MAP1S: variants seen among roughly 807,000 people sequenced by gnomAD.
The protein encoded by MAP1S is microtubule associated protein 1S.
Under a neutral mutation model 60.9 loss-of-function variants are expected in MAP1S, and 27 were observed. That is an observed-to-expected ratio of 0.44 (90% CI 0.33 to 0.61). MAP1S has a LOEUF of 0.61. Among genes scored for constraint, MAP1S ranks in the 20% least tolerant of loss-of-function variants. The pLI is 0.03. For missense variants in MAP1S, 1,608 were observed against 1,486.6 expected, an observed-to-expected ratio of 1.08 and a Z score of -1.34; for synonymous variants, 826 against 694.2, an observed-to-expected ratio of 1.19 and a Z score of -2.98.
intron 6 of MAP1S, among the ~76,000 whole-genome samples, chr19:17,734,023 T>C (rs539522656): frequency 2.6e-5 from 4 of 152,252 alleles, no homozygotes; most frequent in Admixed American, 2.6e-4. Flanking sequence ...AGGAAGGCCT[T>C]GCAGAGGAGG....
At position 17,726,945 on chromosome 19, in the gene MAP1S, AC is replaced by A. The variant is rs1555705517; in HGVS notation, c.1567del (p.Arg523GlyfsTer3). The A allele has an allele frequency of 6.4e-7, 1 of 1,570,846 alleles. No individual in the cohort carries two copies. The highest frequency in any genetic ancestry group is 8.6e-7 in the Non-Finnish European group (1 of 1,159,004). On this transcript the variant is annotated frameshift_variant, in exon 5 of 7. Coordinates refer to ENST00000324096, the MANE Select transcript of MAP1S (RefSeq NM_018174.6). LOFTEE classifies it high-confidence loss of function. Reference sequence around the variant, plus strand: ...ACGCAAGACTGAGAAAGAAGCCAAGACCCCCCGGGAGTTGAAGAAAGACCCC... The same window carrying A: ...ACGCAAGACTGAGAAAGAAGCCAAGACCCCCGGGAGTTGAAGAAAGACCCC... ...APRKTEKEAK[T>X]PRELKKDPKP...
rs2080407724 is a variant in MAP1S, at chr19:17,725,291, G to T, written c.444+102G>T. The T allele has an allele frequency of 7.1e-7, 1 of 1,410,516 alleles. No homozygotes were observed. The highest frequency in any genetic ancestry group is 9.6e-7 in the Non-Finnish European group (1 of 1,042,082). The allele number at this position is 1,410,516 out of a possible 1,614,324, so 87.4% of individuals were successfully genotyped here. A position where few individuals can be genotyped will look rare whatever the true frequency, so the allele number is the denominator to read the frequency against. Reference sequence around the variant, plus strand: ...GCGACCTGCTGTTTTCCATGGCCTGGTCTCCCCATCCTCTGTAGGATGGCA... The same window carrying T: ...GCGACCTGCTGTTTTCCATGGCCTGTTCTCCCCATCCTCTGTAGGATGGCA... On this transcript the variant is annotated intron_variant, in intron 4 of 6. Coordinates refer to ENST00000324096, the MANE Select transcript of MAP1S (RefSeq NM_018174.6). The surrounding 1 kb of genome is among the most constrained non-coding windows in gnomAD (Gnocchi z 4.2).
Position 17,727,432 on chromosome 19 carries a change from C to A in MAP1S, c.2048C>A (p.Pro683His), listed in dbSNP as rs1353577743. 6.2e-7 allele frequency: 1 copy of A among 1,602,190 alleles called. No homozygotes were observed. The highest frequency in any genetic ancestry group is 1.7e-5 in the Admixed American group (1 of 58,490). ...CCCACGGTGACCACGCCCTCACTAC[C>A]CGCAGAGGTGGGCTCCCCGCACTCG... ...TTPTVTTPSL[P>H]AEVGSPHSTE... Residue 683 changes from proline to histidine, a missense_variant, in exon 5 of 7, where the codon CCC becomes CAC. By Grantham distance (77) the Pro-to-His change is moderately conservative. This residue lies in a region of MAP1S where 1,167 missense variants were observed against 961.4 expected (regional missense o/e 1.21). Coordinates refer to ENST00000324096, the MANE Select transcript of MAP1S (RefSeq NM_018174.6). This position sits in a 1 kb window ranked among gnomAD's most constrained non-coding sequence, Gnocchi z 4.1.
intron 2 of MAP1S, among the ~76,000 whole-genome samples, chr19:17,723,529 C>A (rs2145972512): frequency 6.8e-6 from 1 of 147,182 alleles, no homozygotes; most frequent in Middle Eastern, 3.6e-3. Flanking sequence ...GCCTGGGCAA[C>A]AAGAGCAAAA....
At position 17,725,206 on chromosome 19, in the gene MAP1S, C is replaced by A. The variant is rs375070801; in HGVS notation, c.444+17C>A. 1 of 1,595,260 alleles carries A rather than the reference C, an allele frequency of 6.3e-7. No homozygotes were observed. ...GACAGAGAGGTAAGCCACCCCTTTGCCATCCCCTGCTTCCCCAGCTCTGAA... is the reference window on the plus strand; with the variant it reads ...GACAGAGAGGTAAGCCACCCCTTTGACATCCCCTGCTTCCCCAGCTCTGAA... On this transcript the variant is annotated intron_variant, in intron 4 of 6. Coordinates refer to ENST00000324096, the MANE Select transcript of MAP1S (RefSeq NM_018174.6). This position sits in a 1 kb window ranked among gnomAD's most constrained non-coding sequence, Gnocchi z 4.2.
chr19:17,719,766 C>A, intron 1 of MAP1S, 146 bp downstream of exon 1: 1 of 221,728 alleles, frequency 4.5e-6, no homozygotes, highest in Non-Finnish European at 7.7e-6. Flanking sequence ...GGCTGGGTCC[C>A]CTTCACCGTT....
intron 2 of MAP1S, among the ~76,000 whole-genome samples, chr19:17,722,375 C>G (rs1051718281): frequency 1.3e-5 from 2 of 152,230 alleles, no homozygotes; most frequent in African/African-American, 4.8e-5. Context: ...TCGCTTTTAC[C>G]CAGGAGGCAG....
chr19:17,720,456 C>T, intron 1 of MAP1S: 3 of 1,532,250 alleles, frequency 2.0e-6, no homozygotes, highest in East Asian at 2.4e-5. Context: ...GGACCCAAAG[C>T]GAGTGAGGAG....
intron 6 of MAP1S, among the ~76,000 whole-genome samples, chr19:17,733,695 C>T (rs564467939): frequency 4.6e-5 from 7 of 152,330 alleles, no homozygotes; most frequent in African/African-American, 1.4e-4. Flanking sequence ...GACACCTTGT[C>T]ACTTAGCCAT....
chr19:17,731,351 T>C (rs1363829422), intron 5 of MAP1S, among the ~76,000 whole-genome samples: 1 of 152,214 alleles, frequency 6.6e-6, no homozygotes, highest in Non-Finnish European at 1.5e-5. Flanking sequence ...CCAGCACCAT[T>C]TGTTGAAAAG....
At chr19:17,720,874 G>C in intron 1 of MAP1S, 62 bp from the exon 2 acceptor site, 1 of 1,313,312 alleles carries the variant, frequency 7.6e-7, no homozygotes, top group Non-Finnish European at 1.1e-6. Context: ...GCTAATTATT[G>C]AAATATTCTG....
Position 17,727,844 on chromosome 19 carries a change from C to T in MAP1S, c.2460C>T (p.Arg820=). 6.2e-7 allele frequency: 1 copy of T among 1,613,584 alleles called. No individual in the cohort carries two copies. Among genetic ancestry groups the T allele is most frequent in the Middle Eastern group, 1.7e-4 (1 of 6,060 alleles). ...ACACAGAGGGCTTTGGAGTCCCTCGCCACGACCCTTTGCCTGACCCCCTCA... is the reference window on the plus strand; with the variant it reads ...ACACAGAGGGCTTTGGAGTCCCTCGTCACGACCCTTTGCCTGACCCCCTCA... ...DEDTEGFGVP[R]HDPLPDPLKV... is the part of the protein sequence containing the mutation. The change falls in exon 5 of 7, where the codon CGC becomes CGT. Residue 820 remains arginine, a synonymous_variant. Coordinates refer to ENST00000324096, the MANE Select transcript of MAP1S (RefSeq NM_018174.6). This position sits in a 1 kb window ranked among gnomAD's most constrained non-coding sequence, Gnocchi z 4.1.
chr19:17,721,401 G>A (rs988679419), intron 2 of MAP1S: 2 of 345,942 alleles, frequency 5.8e-6, no homozygotes, highest in Non-Finnish European at 1.1e-5. Context: ...AATGAACCGG[G>A]CGCGGTGGCT....
At position 17,727,404 on chromosome 19, in the gene MAP1S, A is replaced by G; in HGVS notation, c.2020A>G (p.Thr674Ala). 6.3e-7 allele frequency: 1 copy of G among 1,597,208 alleles called. No individual in the cohort carries two copies. Among genetic ancestry groups the G allele is most frequent in the Non-Finnish European group, 8.5e-7 (1 of 1,172,580 alleles). ...AGPDASPTVTTPTVTTPSLPA... is the reference protein window; with the variant it reads ...AGPDASPTVTAPTVTTPSLPA... ...GCCAGACGCCTCACCCACAGTGACC[A>G]CACCCACGGTGACCACGCCCTCACT... Residue 674 changes from threonine (T) to alanine (A), a missense_variant, in exon 5 of 7, where the codon ACA becomes GCA. Physicochemically the swap from Thr to Ala is moderately conservative, Grantham distance 58 (BLOSUM62 0). This residue lies in a region of MAP1S where 1,167 missense variants were observed against 961.4 expected (regional missense o/e 1.21). Coordinates refer to ENST00000324096, the MANE Select transcript of MAP1S (RefSeq NM_018174.6). The surrounding 1 kb of genome is among the most constrained non-coding windows in gnomAD (Gnocchi z 4.1).
In MAP1S at chr19:17,727,620, G is replaced by A. The variant is rs1178308489; in HGVS notation, c.2236G>A (p.Glu746Lys). ...GTGCCTGGTGTCACCCTGTGAATTT[G>A]AGCATCGCAAGGCGGTGCCAATGGC... ...DLCLVSPCEFEHRKAVPMAPA... is the reference protein window; with the variant it reads ...DLCLVSPCEFKHRKAVPMAPA... Residue 746 changes from glutamate to lysine, a missense_variant, in exon 5 of 7, where the codon GAG becomes AAG. Glu to Lys is a moderately conservative substitution (Grantham distance 56, BLOSUM62 1). Coordinates refer to ENST00000324096, the MANE Select transcript of MAP1S (RefSeq NM_018174.6). The surrounding 1 kb of genome is among the most constrained non-coding windows in gnomAD (Gnocchi z 4.1). The A allele has an allele frequency of 1.2e-6, 2 of 1,607,700 alleles. No individual in the cohort carries two copies.
rs763819840 is a variant in MAP1S, at chr19:17,727,781, C to T, written c.2397C>T (p.Pro799=). The T allele has an allele frequency of 1.6e-5, 25 of 1,611,320 alleles. No homozygotes were observed. Among genetic ancestry groups the T allele is most frequent in the Non-Finnish European group, 1.9e-5 (22 of 1,178,984 alleles). The change falls in exon 5 of 7, where the codon CCC becomes CCT. Residue 799 remains proline, a synonymous_variant. Coordinates refer to ENST00000324096, the MANE Select transcript of MAP1S (RefSeq NM_018174.6). The surrounding 1 kb of genome is among the most constrained non-coding windows in gnomAD (Gnocchi z 4.1). ...TGCCCACCCTGTCTGACTCGGATCC[C>T]GTGCCCCTGGCCCCCGGTGCGGCAG... ...ESLPTLSDSD[P]VPLAPGAADS... is the part of the protein sequence containing the mutation.
Position 17,726,451 on chromosome 19 carries a change from A to T in MAP1S, c.1067A>T (p.Glu356Val), listed in dbSNP as rs759330615. The T allele has an allele frequency of 1.3e-6, 2 of 1,554,028 alleles. No individual in the cohort carries two copies. Among genetic ancestry groups the T allele is most frequent in the South Asian group, 2.3e-5 (2 of 85,684 alleles). ...SRLARGEDEA[E>V]LALSLLAQLG... ...CTGGCGCGCGGCGAGGATGAGGCGG[A>T]GCTGGCGCTGAGCCTCCTGGCGCAG... Residue 356 changes from glutamate (E) to valine (V), a missense_variant, in exon 5 of 7, where the codon GAG (glutamate) becomes GTG (valine). This residue lies in a region of MAP1S where 1,167 missense variants were observed against 961.4 expected (regional missense o/e 1.21). Transcript: ENST00000324096.
chr19:17,721,158 A>C (rs1314580470), intron 2 of MAP1S, 121 bp downstream of exon 2: 1 of 820,314 alleles, frequency 1.2e-6, no homozygotes, highest in Admixed American at 1.9e-5. Context: ...TACAGTTGAG[A>C]CCTTTCAAAT....
At chr19:17,722,426 TG>T (rs1393665802) in intron 2 of MAP1S, among the ~76,000 whole-genome samples, 9 of 152,176 alleles carry the variant, frequency 5.9e-5, no homozygotes, top group African/African-American at 1.9e-4. Flanking sequence ...CACTTCAGCC[TG>T]GGCAACAGAG....
Sources: allele counts gnomAD v4.1 joint callset (sites outside exome capture counted in the v4.1 genomes callset), GRCh38; gene constraint gnomAD v4.1.1; regional missense constraint gnomAD v4.1.1; non-coding constraint Gnocchi (gnomAD v3.1); transcripts MANE v1.5; gene names NCBI Gene and HGNC (gene_info 2026-07-23, HGNC 2026-07-21).